Variants in PAN3 observed in about 807,000 individuals in gnomAD.
PAN3 encodes the protein PAN2-PAN3 deadenylation complex subunit PAN3.
Under a neutral mutation model 96.2 loss-of-function variants are expected in PAN3, and 19 were observed. That is an observed-to-expected ratio of 0.20 (90% CI 0.14 to 0.29). The LOEUF is 0.29. PAN3 is among the 10% of genes least tolerant of loss of function. The pLI, the probability that PAN3 is intolerant of heterozygous loss-of-function variation, is 1.00. For missense variants in PAN3, 882 were observed against 1,108.1 expected, an observed-to-expected ratio of 0.80 and a Z score of 2.90; for synonymous variants, 433 against 406.6, an observed-to-expected ratio of 1.06 and a Z score of -0.78.
intron 7 of PAN3, among the ~76,000 whole-genome samples, chr13:28,258,763 G>A (rs1018468181): frequency 1.3e-5 from 2 of 152,044 alleles, no homozygotes; most frequent in African/African-American, 4.8e-5. Flanking sequence ...ATTCCCGGAC[G>A]CCCACAGATA....
intron 6 of PAN3, 42 bp downstream of exon 6, chr13:28,220,420 T>G (rs1293846513): frequency 3.1e-6 from 5 of 1,588,044 alleles, no homozygotes; most frequent in Non-Finnish European, 3.4e-6. Flanking sequence ...AGATACCATG[T>G]CTGTAAGCAC....
chr13:28,249,458 T>A (rs1422733990), intron 6 of PAN3, among the ~76,000 whole-genome samples: 9 of 152,070 alleles, frequency 5.9e-5, no homozygotes, highest in South Asian at 4.1e-4. Context: ...TTTTATTATT[T>A]TTTTTTTTGA....
intron 4 of PAN3, among the ~76,000 whole-genome samples, chr13:28,179,486 G>A (rs973958152): frequency 7.9e-5 from 12 of 152,152 alleles, no homozygotes; most frequent in Admixed American, 1.3e-4. Context: ...AGGCCAAGGC[G>A]GGAGAATTGC....
intron 6 of PAN3, among the ~76,000 whole-genome samples, chr13:28,248,189 G>C (rs1354385041): frequency 6.6e-6 from 1 of 151,938 alleles, no homozygotes; most frequent in Non-Finnish European, 1.5e-5. Context: ...ATTGCAAATG[G>C]GATTGCTTTC....
intron 5 of PAN3, among the ~76,000 whole-genome samples, chr13:28,203,805 T>C (rs1270614832): frequency 6.6e-6 from 1 of 151,482 alleles, no homozygotes; most frequent in South Asian, 2.1e-4. Flanking sequence ...CTTTTTTCTT[T>C]TCTTTTTTTT....
chr13:28,263,705 CA>C (rs1229635115), intron 9 of PAN3, among the ~76,000 whole-genome samples: 1 of 152,128 alleles, frequency 6.6e-6, no homozygotes, highest in Non-Finnish European at 1.5e-5. Context: ...AAGTCAACTT[CA>C]AATAGATTAA....
intron 1 of PAN3, among the ~76,000 whole-genome samples, chr13:28,149,978 A>G (rs933237534): frequency 5.9e-5 from 9 of 152,164 alleles, no homozygotes; most frequent in African/African-American, 2.2e-4. Flanking sequence ...TACAGCAGTT[A>G]TATAGTTGGA....
intron 12 of PAN3, among the ~76,000 whole-genome samples, chr13:28,270,138 C>G (rs533077273): frequency 6.6e-6 from 1 of 152,302 alleles, no homozygotes; most frequent in South Asian, 2.1e-4. Flanking sequence ...TCCTTTTCTA[C>G]TGATTTACAA....
intron 5 of PAN3, among the ~76,000 whole-genome samples, chr13:28,217,593 A>G (rs111629773): frequency 0.11 from 16,175 of 151,554 alleles, 1,059 homozygotes; most frequent in Middle Eastern, 0.2. Flanking sequence ...AAAACAAAAA[A>G]AAAACAAAAA....
chr13:28,153,550 A>G (rs373805835), intron 1 of PAN3, among the ~76,000 whole-genome samples: 1 of 152,126 alleles, frequency 6.6e-6, no homozygotes, highest in African/African-American at 2.4e-5. Context: ...ATACACTTTT[A>G]AAAGATATGT....
At chr13:28,189,062 C>A (rs1190313089) in intron 4 of PAN3, among the ~76,000 whole-genome samples, 1 of 152,068 alleles carries the variant, frequency 6.6e-6, no homozygotes, top group East Asian at 1.9e-4. Context: ...CTAAAATTAC[C>A]TTCTGTTCTT....
At chr13:28,228,280 A>G (rs1882204760) in intron 6 of PAN3, among the ~76,000 whole-genome samples, 1 of 152,118 alleles carries the variant, frequency 6.6e-6, no homozygotes, top group African/African-American at 2.4e-5. Flanking sequence ...CATGAAATTC[A>G]TCTTTTTCTT....
At chr13:28,205,690 A>G (rs1046336330) in intron 5 of PAN3, among the ~76,000 whole-genome samples, 2 of 151,988 alleles carry the variant, frequency 1.3e-5, no homozygotes, top group South Asian at 2.1e-4. Flanking sequence ...AGAAAAAATA[A>G]TAATTAGCTG....
chr13:28,216,931 C>G (rs997129403), intron 5 of PAN3, among the ~76,000 whole-genome samples: 1 of 151,454 alleles, frequency 6.6e-6, no homozygotes, highest in African/African-American at 2.4e-5. Flanking sequence ...GCCCAGCCAA[C>G]ATGGTGAAAC....
rs549022297 is a variant in PAN3 at position 28,228,158 on chromosome 13, T to C, written c.1000+7780T>C. Among the ~76,000 whole-genome samples the C allele has an allele frequency of 1.9e-4, 29 of 152,348 alleles. No individual in the cohort carries two copies. In the South Asian group the frequency reaches 5.8e-3, roughly 30 times the overall value. ...GTATTTGTGTGAATAAATTTACTGTTCTGTGTGTTACATGTCTAGTTAGGA... is the reference window on the plus strand; with the variant it reads ...GTATTTGTGTGAATAAATTTACTGTCCTGTGTGTTACATGTCTAGTTAGGA... On this transcript the variant is annotated intron_variant, in intron 6 of 18. Coordinates refer to ENST00000380958, the MANE Select transcript of PAN3 (RefSeq NM_175854.8).
At chr13:28,161,223 AT>A (rs1467257303) in intron 1 of PAN3, among the ~76,000 whole-genome samples, 1 of 152,066 alleles carries the variant, frequency 6.6e-6, no homozygotes, top group Admixed American at 6.6e-5. Context: ...CACAACAGAA[AT>A]TTATTGTCTC....
At chr13:28,190,548 C>A (rs1877118121) in intron 4 of PAN3, among the ~76,000 whole-genome samples, 1 of 152,148 alleles carries the variant, frequency 6.6e-6, no homozygotes, top group African/African-American at 2.4e-5. Flanking sequence ...GTGTGAGCTG[C>A]TGTGCCTGGC....
Position 28,197,234 on chromosome 13 carries a change from G to A in PAN3, c.740G>A (p.Gly247Glu), listed in dbSNP as rs1878161904. The A allele has an allele frequency of 1.9e-6, 3 of 1,613,520 alleles. No homozygotes were observed. The highest frequency in any genetic ancestry group is 2.5e-6 in the Non-Finnish European group (3 of 1,179,762). ...CTGGAGGAGAGGCTAGTTCCGATGG[G>A]ATCAAAGGCACGAAAAGCAAAGAAC... ...GMLEERLVPM[G>E]SKARKAKNPI... The change falls in exon 5 of 19, where the codon GGA (glycine) becomes GAA (glutamate). Residue 247 changes from glycine to glutamate, a missense_variant. By Grantham distance (98) the Gly-to-Glu change is moderately conservative (BLOSUM62 -2). Around this residue, in one of 3 missense-constraint regions of PAN3, gnomAD observed 442 missense variants for 422.8 expected, o/e 1.05. Coordinates refer to ENST00000380958, the MANE Select transcript of PAN3 (RefSeq NM_175854.8).
At chr13:28,263,536 G>A (rs1355953600) in intron 9 of PAN3, among the ~76,000 whole-genome samples, 2 of 152,124 alleles carry the variant, frequency 1.3e-5, no homozygotes, top group South Asian at 2.1e-4. Context: ...TCACCATGTT[G>A]CTGAGGCTGG....
Sources: allele counts gnomAD v4.1 joint callset (sites outside exome capture counted in the v4.1 genomes callset), GRCh38; gene constraint gnomAD v4.1.1; regional missense constraint gnomAD v4.1.1; transcripts MANE v1.5; gene names NCBI Gene and HGNC (gene_info 2026-07-23, HGNC 2026-07-21).